Variants in UNC13C observed in about 807,000 individuals in gnomAD.
UNC13C encodes unc-13 homolog C.
In UNC13C, 174 loss-of-function variants were observed where a neutral mutation model predicts 245.4. The ratio of observed to expected loss-of-function variants is 0.71; its 90% CI spans 0.63 to 0.80. The LOEUF (loss-of-function observed/expected upper bound fraction) is 0.80. Ranked by LOEUF, UNC13C falls within the 30% of genes least tolerant of loss-of-function variation. The pLI, the probability that UNC13C is intolerant of heterozygous loss-of-function variation, is 0.00. For missense variants in UNC13C, 2,829 were observed against 2,602.9 expected (o/e 1.09, Z -1.89); for synonymous variants, 992 against 895.1 (o/e 1.11, Z -1.93).
At chr15:54,115,310 A>G (rs1305403210) in intron 2 of UNC13C, among the ~76,000 whole-genome samples, 5 of 152,124 alleles carry the variant, frequency 3.3e-5, no homozygotes, top group Non-Finnish European at 2.9e-5. Context: ...GGAAGCTAAT[A>G]TTTTTTAAAT....
At chr15:54,083,171 T>C (rs986758624) in intron 2 of UNC13C, among the ~76,000 whole-genome samples, 70 of 152,204 alleles carry the variant, frequency 4.6e-4, no homozygotes, top group African/African-American at 1.7e-3. Context: ...AGTGAAGCCT[T>C]GTCCTGAGCA....
intron 4 of UNC13C, among the ~76,000 whole-genome samples, chr15:54,168,090 A>T (rs2033250659): frequency 6.6e-6 from 1 of 152,240 alleles, no homozygotes; most frequent in Non-Finnish European, 1.5e-5. Flanking sequence ...AAATAATTAT[A>T]GTAGAATCTA....
chr15:54,387,826 T>C (rs1263247370), intron 17 of UNC13C, among the ~76,000 whole-genome samples: 1 of 152,182 alleles, frequency 6.6e-6, no homozygotes, highest in African/African-American at 2.4e-5. Context: ...TATCTTGCTT[T>C]CCTTTTTGTT....
At chr15:54,383,510 A>G (rs962045403) in intron 17 of UNC13C, among the ~76,000 whole-genome samples, 1 of 152,078 alleles carries the variant, frequency 6.6e-6, no homozygotes, top group Non-Finnish European at 1.5e-5. Flanking sequence ...GCATAGAAAT[A>G]TCATACCTCA....
intron 1 of UNC13C, among the ~76,000 whole-genome samples, chr15:54,009,772 C>A (rs1229920392): frequency 2.0e-5 from 3 of 152,102 alleles, no homozygotes; most frequent in Non-Finnish European, 4.4e-5. Context: ...ATCTCGAATT[C>A]CTGACCTCAT....
At chr15:53,990,875 C>A (rs895265073) in intron 1 of UNC13C, among the ~76,000 whole-genome samples, 2 of 152,028 alleles carry the variant, frequency 1.3e-5, no homozygotes, top group African/African-American at 4.8e-5. Flanking sequence ...ATGTTAAAAA[C>A]CATATGATTT....
chr15:54,162,179 T>C (rs1055267001), intron 4 of UNC13C, among the ~76,000 whole-genome samples: 4 of 152,200 alleles, frequency 2.6e-5, no homozygotes, highest in Non-Finnish European at 4.4e-5. Context: ...TTGCTTTTTC[T>C]TACAGCAGAT....
At chr15:54,379,591 G>A (rs1383194614) in intron 17 of UNC13C, among the ~76,000 whole-genome samples, 1 of 152,000 alleles carries the variant, frequency 6.6e-6, no homozygotes, top group African/African-American at 2.4e-5. Flanking sequence ...ATGTATGTAA[G>A]GCCAAATTTG....
the UNC13C span, among the ~76,000 whole-genome samples, chr15:53,922,523 G>C: frequency 4.7e-4 from 71 of 152,008 alleles, no homozygotes; most frequent in African/African-American, 1.1e-3. Flanking sequence ...TTGGTCTTTC[G>C]TACTTACCTC....
intron 10 of UNC13C, among the ~76,000 whole-genome samples, chr15:54,289,391 A>G (rs1260856887): frequency 6.6e-6 from 1 of 152,050 alleles, no homozygotes. Context: ...GCAAGATTTG[A>G]CCAGCTGTTT....
At chr15:53,847,080 C>T in the UNC13C span, among the ~76,000 whole-genome samples, 1 of 151,992 alleles carries the variant, frequency 6.6e-6, no homozygotes, top group Non-Finnish European at 1.5e-5. Flanking sequence ...ACAACAACAA[C>T]AACAAAAAAC....
the UNC13C span, among the ~76,000 whole-genome samples, chr15:53,899,406 A>T: frequency 6.6e-6 from 1 of 152,218 alleles, no homozygotes; most frequent in Non-Finnish European, 1.5e-5. Context: ...TTGCAAATTA[A>T]ACTTCTTGAA....
intron 4 of UNC13C, among the ~76,000 whole-genome samples, chr15:54,178,736 G>A (rs754563239): frequency 2.0e-5 from 3 of 152,100 alleles, no homozygotes; most frequent in Non-Finnish European, 4.4e-5. Flanking sequence ...AGAAACTCAA[G>A]GAGCCCAGAA....
chr15:54,165,853 C>T lies in UNC13C; in HGVS notation c.3071+22169C>T, dbSNP rs114306638. Among the ~76,000 whole-genome samples the T allele has an allele frequency of 3.7e-3, 556 of 151,942 alleles. 4 individuals are homozygous for T. Among genetic ancestry groups the T allele is most frequent in the African/African-American group, 0.013 (534 of 41,468 alleles). ...GTTTTCCTTTTTTTCTCCCTCCCTCCCTCTCTTTTTCTCCCTTTCTTGCCA... is the reference window on the plus strand; with the variant it reads ...GTTTTCCTTTTTTTCTCCCTCCCTCTCTCTCTTTTTCTCCCTTTCTTGCCA... On this transcript the variant is annotated intron_variant, in intron 4 of 32. Coordinates refer to ENST00000260323, the MANE Select transcript of UNC13C (RefSeq NM_001080534.3).
intron 1 of UNC13C, among the ~76,000 whole-genome samples, chr15:53,992,908 A>G (rs1311038764): frequency 6.6e-6 from 1 of 152,056 alleles, no homozygotes; most frequent in Non-Finnish European, 1.5e-5. Flanking sequence ...GAACCTCTCA[A>G]ATACCTGAGA....
chr15:54,272,527 C>T (rs1395784354), intron 10 of UNC13C, among the ~76,000 whole-genome samples: 1 of 152,162 alleles, frequency 6.6e-6, no homozygotes, highest in African/African-American at 2.4e-5. Context: ...ATGGTACCAA[C>T]ATCAGCAAGT....
chr15:54,600,679 T>G (rs2037384), intron 30 of UNC13C, among the ~76,000 whole-genome samples: 3 of 152,146 alleles, frequency 2.0e-5, no homozygotes, highest in Non-Finnish European at 4.4e-5. Flanking sequence ...AATCAGTGTT[T>G]GTTTTTTATC....
At chr15:54,470,016 C>T (rs979885448) in intron 19 of UNC13C, among the ~76,000 whole-genome samples, 1 of 151,510 alleles carries the variant, frequency 6.6e-6, no homozygotes, top group Non-Finnish European at 1.5e-5. Context: ...TTTTAAGATG[C>T]TCATATGGTC....
intron 7 of UNC13C, among the ~76,000 whole-genome samples, chr15:54,249,981 A>T (rs1253425422): frequency 6.6e-6 from 1 of 152,214 alleles, no homozygotes; most frequent in Non-Finnish European, 1.5e-5. Flanking sequence ...AGTGAAGCCC[A>T]GTCCAGTCTG....
Sources: gnomAD v4.1 joint callset for allele counts (sites outside exome capture counted in the v4.1 genomes callset) on GRCh38, gnomAD v4.1.1 for gene constraint, MANE v1.5 for transcripts, NCBI Gene and HGNC (gene_info 2026-07-23, HGNC 2026-07-21) for gene names.